PALS1: variants seen among roughly 807,000 people sequenced by gnomAD.
PALS1 encodes the protein protein PALS1.
PALS1 carries 31 observed loss-of-function variants against 78.9 expected under a neutral mutation model. The observed-to-expected ratio is 0.39, with a 90% confidence interval of 0.30 to 0.53. The LOEUF (loss-of-function observed/expected upper bound fraction) is 0.53. Ranked by LOEUF, PALS1 falls within the 20% of genes least tolerant of loss-of-function variation. PALS1 has a pLI of 0.67. For missense variants in PALS1, 704 were observed against 826.5 expected (o/e 0.85, Z 1.82); for synonymous variants, 276 against 270.9 (o/e 1.02, Z -0.18).
intron 1 of PALS1, among the ~76,000 whole-genome samples, chr14:67,252,392 C>A (rs1431121859): frequency 6.6e-6 from 1 of 152,092 alleles, no homozygotes; most frequent in African/African-American, 2.4e-5. Flanking sequence ...TGGTCTCCAG[C>A]AGTCCTCCAG....
At chr14:67,326,725 CGTTT>C (rs926753614) in intron 14 of PALS1, among the ~76,000 whole-genome samples, 1 of 152,044 alleles carries the variant, frequency 6.6e-6, no homozygotes, top group Non-Finnish European at 1.5e-5. Flanking sequence ...AGAAGCATGC[CGTTT>C]GTTAAAGTTT....
At chr14:67,272,735 T>G (rs969003798) in intron 2 of PALS1, among the ~76,000 whole-genome samples, 3 of 152,216 alleles carry the variant, frequency 2.0e-5, no homozygotes, top group Non-Finnish European at 4.4e-5. Flanking sequence ...CTTGGCTCAC[T>G]ACAACCTCTG....
chr14:67,279,482 T>A lies in PALS1; in HGVS notation c.312T>A (p.Phe104Leu), dbSNP rs1368968370. The A allele has an allele frequency of 2.5e-6, 4 of 1,593,424 alleles. No homozygotes were observed. The highest frequency in any genetic ancestry group is 2.2e-5 in the East Asian group (1 of 44,724). ...PPKTGIDNPMFDTEEGIVLES... is the reference protein window; with the variant it reads ...PPKTGIDNPMLDTEEGIVLES... ...AGACCGGAATAGATAACCCTATGTTTGATACAGAGGAAGGAATTGTCTTAG... is the reference window on the plus strand; with the variant it reads ...AGACCGGAATAGATAACCCTATGTTAGATACAGAGGAAGGAATTGTCTTAG... Residue 104 changes from phenylalanine (F) to leucine (L), a missense_variant, in exon 3 of 15, where the codon TTT becomes TTA. Phe to Leu is a conservative substitution (Grantham distance 22, BLOSUM62 0). Coordinates refer to ENST00000261681, the MANE Select transcript of PALS1 (RefSeq NM_022474.4).
chr14:67,265,727 C>T (rs1239849893), intron 1 of PALS1, among the ~76,000 whole-genome samples: 1 of 151,664 alleles, frequency 6.6e-6, no homozygotes, highest in African/African-American at 2.4e-5. Context: ...TGCAGTGACA[C>T]GCCCCTGTAA....
intron 2 of PALS1, among the ~76,000 whole-genome samples, chr14:67,274,943 G>A (rs2084475759): frequency 6.6e-6 from 1 of 152,178 alleles, no homozygotes; most frequent in Non-Finnish European, 1.5e-5. Flanking sequence ...TGGTGTATAA[G>A]AATGCTTGTG....
At chr14:67,260,569 GGA>G (rs1169930902) in intron 1 of PALS1, among the ~76,000 whole-genome samples, 1 of 152,122 alleles carries the variant, frequency 6.6e-6, no homozygotes, top group African/African-American at 2.4e-5. Flanking sequence ...AGTTTGTAGA[GGA>G]GAGAGAGGGC....
chr14:67,254,031 C>CG (rs956936111), intron 1 of PALS1, among the ~76,000 whole-genome samples: 2 of 141,610 alleles, frequency 1.4e-5, no homozygotes, highest in East Asian at 2.2e-4. Context: ...TTCATCCCCC[C>CG]CCCCTTACAA....
chr14:67,252,198 G>GT (rs1004388166), intron 1 of PALS1, among the ~76,000 whole-genome samples: 51 of 151,978 alleles, frequency 3.4e-4, no homozygotes, highest in African/African-American at 1.2e-3. Context: ...TTTATTTTTT[G>GT]TTTTTCTTAG....
chr14:67,286,829 C>T (rs767647205), intron 3 of PALS1, among the ~76,000 whole-genome samples: 3 of 135,494 alleles, frequency 2.2e-5, no homozygotes, highest in Non-Finnish European at 4.6e-5. Flanking sequence ...TGCACTCCAG[C>T]GTGGTGACAG....
At chr14:67,259,375 C>T (rs1338545469) in intron 1 of PALS1, among the ~76,000 whole-genome samples, 1 of 151,966 alleles carries the variant, frequency 6.6e-6, no homozygotes, top group Admixed American at 6.6e-5. Context: ...CTTTGGGAGG[C>T]CAAGGCAGGC....
intron 14 of PALS1, among the ~76,000 whole-genome samples, chr14:67,332,567 T>C (rs1285248687): frequency 6.6e-6 from 1 of 152,174 alleles, no homozygotes; most frequent in African/African-American, 2.4e-5. Context: ...CAGGATATAT[T>C]GAGTCCCAGA....
At chr14:67,323,423 T>C (rs1236892276) in intron 13 of PALS1, among the ~76,000 whole-genome samples, 6 of 151,528 alleles carry the variant, frequency 4.0e-5, no homozygotes, top group African/African-American at 1.5e-4. Context: ...AAGACCAGCC[T>C]GGACAACAAA....
At chr14:67,261,990 T>C (rs1180064355) in intron 1 of PALS1, among the ~76,000 whole-genome samples, 1 of 152,150 alleles carries the variant, frequency 6.6e-6, no homozygotes, top group Non-Finnish European at 1.5e-5. Context: ...GCATGGTATC[T>C]TACAGACATG....
chr14:67,265,616 G>A (rs2084310667), intron 1 of PALS1, among the ~76,000 whole-genome samples: 1 of 151,982 alleles, frequency 6.6e-6, no homozygotes, highest in South Asian at 2.1e-4. Flanking sequence ...CAGCATTTTG[G>A]GAGGCAAAGG....
At chr14:67,314,953 T>C (rs2085145043) in intron 9 of PALS1, among the ~76,000 whole-genome samples, 1 of 151,998 alleles carries the variant, frequency 6.6e-6, no homozygotes, top group Non-Finnish European at 1.5e-5. Flanking sequence ...ACAAAAAATT[T>C]AAAAATTAGC....
rs565524211 is a variant in PALS1, at chr14:67,295,738, T to A, written c.576+3019T>A. Among the ~76,000 whole-genome samples, 3 of 152,302 alleles carry A rather than the reference T, an allele frequency of 2.0e-5. No homozygotes were observed. In the East Asian group the frequency reaches 5.8e-4, roughly 29 times the overall value. ...ATTGTTTGTGAACTTATGGAACAAC[T>A]GAAACTCTCATACATCACTGGTGGA... On this transcript the variant is annotated intron_variant, in intron 4 of 14. Coordinates refer to ENST00000261681, the MANE Select transcript of PALS1 (RefSeq NM_022474.4).
At chr14:67,281,024 G>A (rs542454565) in intron 3 of PALS1, among the ~76,000 whole-genome samples, 2 of 151,302 alleles carry the variant, frequency 1.3e-5, no homozygotes, top group East Asian at 1.9e-4. Flanking sequence ...TTAGCCTCCC[G>A]AGTGGCTGGG....
At position 67,335,522 on chromosome 14, in the gene PALS1, A is replaced by G. The variant is rs150069132; in HGVS notation, c.*2566A>G. 4.8e-4 allele frequency: 73 copies of G among 152,786 alleles called. No homozygotes were observed. Among genetic ancestry groups the G allele is most frequent in the African/African-American group, 1.7e-3 (72 of 41,588 alleles). The allele number at this position is 152,786 out of a possible 1,614,324, so 9.5% of individuals were successfully genotyped here. ...TTTCGTTGTCAGAACAAATGGAAGG[A>G]GAATATTATTTAGACTAATCCAGAT... On this transcript the variant is annotated 3_prime_UTR_variant, in exon 15 of 15. Coordinates refer to ENST00000261681, the MANE Select transcript of PALS1 (RefSeq NM_022474.4).
intron 3 of PALS1, among the ~76,000 whole-genome samples, chr14:67,286,811 T>G (rs2084695622): frequency 7.2e-6 from 1 of 139,460 alleles, no homozygotes; most frequent in African/African-American, 2.8e-5. Context: ...GAGCTCTGAT[T>G]ACGCCACTGC....
Sources: gnomAD v4.1 joint callset for allele counts (sites outside exome capture counted in the v4.1 genomes callset) on GRCh38, gnomAD v4.1.1 for gene constraint, MANE v1.5 for transcripts, NCBI Gene and HGNC (gene_info 2026-07-23, HGNC 2026-07-21) for gene names.